Variants in LNX1 observed in about 807,000 individuals in gnomAD.
The protein encoded by LNX1 is E3 ubiquitin-protein ligase LNX.
In LNX1, 54 loss-of-function variants were observed where a neutral mutation model predicts 68.4. The observed-to-expected ratio is 0.79, with a 90% CI of 0.63 to 0.99. The LOEUF is 0.99. LNX1 is among the 50% of genes least tolerant of loss of function. LNX1 has a pLI of 0.00. For synonymous variants in LNX1, 336 were observed against 350.0 expected, an observed-to-expected ratio of 0.96 and a Z score of 0.45; for missense variants, 906 against 926.4, an observed-to-expected ratio of 0.98 and a Z score of 0.29.
chr4:53,642,300 A>G (rs1251807488), intron 1 of LNX1, among the ~76,000 whole-genome samples: 1 of 152,078 alleles, frequency 6.6e-6, no homozygotes, highest in East Asian at 1.9e-4. Flanking sequence ...GATATTAAAA[A>G]TGAAAGAAGG....
intron 4 of LNX1, among the ~76,000 whole-genome samples, 191 bp downstream of exon 4, chr4:53,507,126 T>C (rs1272833634): frequency 6.6e-6 from 1 of 152,194 alleles, no homozygotes; most frequent in East Asian, 1.9e-4. Flanking sequence ...CTTCAATCTA[T>C]GTAAAAAGAT....
chr4:53,546,466 A>T (rs757346292), intron 2 of LNX1, among the ~76,000 whole-genome samples: 2 of 152,172 alleles, frequency 1.3e-5, no homozygotes, highest in Non-Finnish European at 2.9e-5. Flanking sequence ...ACTAGCTCCA[A>T]TTTTATTGCT....
At chr4:53,501,465 T>G (rs1471660986) in intron 4 of LNX1, among the ~76,000 whole-genome samples, 1 of 152,004 alleles carries the variant, frequency 6.6e-6, no homozygotes, top group Non-Finnish European at 1.5e-5. Context: ...TTTCATTTTT[T>G]GTAGAGACAA....
intron 1 of LNX1, 48 bp from the exon 2 acceptor site, chr4:53,574,136 G>T (rs776083798): frequency 2.6e-5 from 34 of 1,303,166 alleles, no homozygotes; most frequent in South Asian, 3.1e-5. Context: ...CACATGAAAG[G>T]CTTATGCTTA....
intron 2 of LNX1, among the ~76,000 whole-genome samples, chr4:53,556,272 A>C (rs727943): frequency 0.16 from 24,530 of 151,950 alleles, 2,645 homozygotes; most frequent in African/African-American, 0.31. Context: ...CACCTGCAGC[A>C]CCCCCCTCCA....
chr4:53,636,831 A>T (rs1265076600), intron 1 of LNX1, among the ~76,000 whole-genome samples: 1 of 151,950 alleles, frequency 6.6e-6, no homozygotes, highest in African/African-American at 2.4e-5. Context: ...CTCCCTTTAC[A>T]TCAAAAAGCA....
chr4:53,605,503 T>C (rs1424826258), intron 2 of LNX1, among the ~76,000 whole-genome samples: 1 of 152,180 alleles, frequency 6.6e-6, no homozygotes, highest in Non-Finnish European at 1.5e-5. Context: ...TTTGTAACTA[T>C]AATCTGCATG....
At position 53,498,731 on chromosome 4, in the gene LNX1, G is replaced by A. The variant is rs777810241; in HGVS notation, c.888C>T (p.Thr296=). The A allele has an allele frequency of 1.2e-6, 2 of 1,613,978 alleles. No individual in the cohort carries two copies. The highest frequency in any genetic ancestry group is 1.7e-6 in the Non-Finnish European group (2 of 1,179,906). ...GTTGGATAATGATATGGACCAGTGG[G>A]GTTTCGCTACCTCCCACCAGCCTAA... ...LSIRLVGGSE[T]PLVHIIIQHI... is the part of the protein sequence containing the mutation. Residue 296 remains threonine, a synonymous_variant, in exon 5 of 11, where the codon ACC becomes ACT. Coordinates refer to ENST00000263925, the MANE Select transcript of LNX1 (RefSeq NM_001126328.3).
intron 2 of LNX1, among the ~76,000 whole-genome samples, chr4:53,568,867 AACAG>A (rs1270283798): frequency 6.6e-6 from 1 of 152,154 alleles, no homozygotes; most frequent in Admixed American, 6.5e-5. Context: ...ATACACCAAT[AACAG>A]ACAAACAGAG....
At chr4:53,616,418 T>C (rs1733682797) in intron 2 of LNX1, 1 of 152,202 alleles carries the variant, frequency 6.6e-6, no homozygotes, top group Non-Finnish European at 1.5e-5. Context: ...CAGCATATGT[T>C]GACCAGATTA....
chr4:53,508,710 T>G (rs1726104915), intron 2 of LNX1, among the ~76,000 whole-genome samples: 1 of 152,238 alleles, frequency 6.6e-6, no homozygotes, highest in African/African-American at 2.4e-5. Context: ...AGAATCACCC[T>G]CACCACAAAG....
At chr4:53,492,194 G>A (rs963515842) in intron 6 of LNX1, among the ~76,000 whole-genome samples, 1 of 152,168 alleles carries the variant, frequency 6.6e-6, no homozygotes, top group East Asian at 1.9e-4. Context: ...ACAATTCTTA[G>A]TAGAATTGAC....
chr4:53,528,694 G>A (rs1727802990), intron 2 of LNX1, among the ~76,000 whole-genome samples: 1 of 151,880 alleles, frequency 6.6e-6, no homozygotes, highest in Non-Finnish European at 1.5e-5. Context: ...GGGGACTACT[G>A]TATAGCCTAG....
chr4:53,648,541 C>T (rs1005374100), intron 1 of LNX1, among the ~76,000 whole-genome samples: 2 of 152,140 alleles, frequency 1.3e-5, no homozygotes, highest in African/African-American at 4.8e-5. Context: ...AATGTTTTCT[C>T]TCATTCTGTG....
intron 2 of LNX1, among the ~76,000 whole-genome samples, chr4:53,562,347 T>G (rs530396933): frequency 6.6e-6 from 1 of 152,178 alleles, no homozygotes; most frequent in East Asian, 1.9e-4. Context: ...TTCTCTACAG[T>G]AGACCCATGT....
At position 53,573,664 on chromosome 4, in the gene LNX1, C is replaced by T. The variant is rs748307949; in HGVS notation, c.339G>A (p.Gln113=). 1.2e-6 allele frequency: 2 copies of T among 1,607,396 alleles called. No individual in the cohort carries two copies. Among genetic ancestry groups the T allele is most frequent in the African/African-American group, 1.3e-5 (1 of 74,942 alleles). The change falls in exon 2 of 11, where the codon CAG becomes CAA. Residue 113 remains glutamine (Q), a synonymous_variant. Transcript: ENST00000263925. The part of the protein sequence containing the change: ...VTCPFREHCT[Q]VLQRCDLEHH... ...GCTCGAGGTCACAGCGCTGCAACAC[C>T]TGGGTGCAGTGCTCCCTGAATGGGC...
At chr4:53,485,678 G>A (rs537600364) in intron 6 of LNX1, among the ~76,000 whole-genome samples, 2 of 152,246 alleles carry the variant, frequency 1.3e-5, no homozygotes, top group East Asian at 1.9e-4. Flanking sequence ...GGTGGAAAAC[G>A]GGCTAATATG....
intron 6 of LNX1, among the ~76,000 whole-genome samples, chr4:53,486,927 C>T (rs905052376): frequency 6.6e-6 from 1 of 150,530 alleles, no homozygotes; most frequent in Non-Finnish European, 1.5e-5. Flanking sequence ...GTCCAGAAGC[C>T]TCATTTATAT....
At chr4:53,557,356 C>A (rs560926648) in intron 2 of LNX1, among the ~76,000 whole-genome samples, 1 of 152,178 alleles carries the variant, frequency 6.6e-6, no homozygotes, top group African/African-American at 2.4e-5. Context: ...CATGTTTCTT[C>A]GTATCCCATA....
Sources: gnomAD v4.1 joint callset for allele counts (sites outside exome capture counted in the v4.1 genomes callset) on GRCh38, gnomAD v4.1.1 for gene constraint, MANE v1.5 for transcripts, NCBI Gene and HGNC (gene_info 2026-07-23, HGNC 2026-07-21) for gene names.